The following QTMAN variants were observed in gnomAD, a reference collection of about 807,000 sequenced individuals.
QTMAN encodes tRNA-queuosine alpha-mannosyltransferase.
chr2:143,986,158 C>T, the QTMAN span, among the ~76,000 whole-genome samples: 1 of 152,206 alleles, frequency 6.6e-6, no homozygotes, highest in Non-Finnish European at 1.5e-5. Context: ...TCAAAACAAT[C>T]TCTAACAAAA....
chr2:144,102,127 T>C, the QTMAN span, among the ~76,000 whole-genome samples: 10 of 152,248 alleles, frequency 6.6e-5, no homozygotes, highest in Non-Finnish European at 1.5e-4. Flanking sequence ...ATGACAGAGC[T>C]TGGTCTTTAA....
chr2:144,119,668 G>C, the QTMAN span, among the ~76,000 whole-genome samples: 1 of 152,150 alleles, frequency 6.6e-6, no homozygotes, highest in Non-Finnish European at 1.5e-5. Flanking sequence ...TCTACACTTT[G>C]GATTTTCTAC....
chr2:144,277,212 T>C, the QTMAN span, among the ~76,000 whole-genome samples: 1 of 149,614 alleles, frequency 6.7e-6, no homozygotes, highest in African/African-American at 2.6e-5. Context: ...ATTTTTACTT[T>C]TTTTAATGTG....
the QTMAN span, among the ~76,000 whole-genome samples, chr2:144,120,401 C>A: frequency 6.6e-6 from 1 of 152,266 alleles, no homozygotes; most frequent in South Asian, 2.1e-4. Context: ...TGGGAAAGAA[C>A]AAAAGATTTG....
chr2:144,046,977 A>AT, the QTMAN span, among the ~76,000 whole-genome samples: 3 of 152,166 alleles, frequency 2.0e-5, no homozygotes, highest in Non-Finnish European at 2.9e-5. Context: ...CCCTATATAG[A>AT]TTAAGATTTT....
the QTMAN span, among the ~76,000 whole-genome samples, chr2:144,298,584 C>T: frequency 1.3e-5 from 2 of 152,172 alleles, no homozygotes; most frequent in African/African-American, 4.8e-5. Flanking sequence ...ATGTTCTTCA[C>T]TCAGCTGGGG....
At chr2:144,103,443 A>C in the QTMAN span, among the ~76,000 whole-genome samples, 2 of 152,192 alleles carry the variant, frequency 1.3e-5, no homozygotes, top group Non-Finnish European at 1.5e-5. Context: ...TTCTAATAGA[A>C]CATCTGAGGT....
the QTMAN span, among the ~76,000 whole-genome samples, chr2:143,976,336 T>C: frequency 6.6e-6 from 1 of 152,214 alleles, no homozygotes; most frequent in Non-Finnish European, 1.5e-5. Context: ...AATAAGGATA[T>C]GGAGAAGCAA....
the QTMAN span, chr2:143,947,063 C>T: frequency 1.2e-6 from 2 of 1,612,626 alleles, no homozygotes; most frequent in South Asian, 2.2e-5. Context: ...CACAAATCTT[C>T]CCTAGGTTCT....
the QTMAN span, among the ~76,000 whole-genome samples, chr2:144,264,977 G>A: frequency 2.0e-5 from 3 of 152,220 alleles, no homozygotes; most frequent in Non-Finnish European, 2.9e-5. Flanking sequence ...TTAATAACTT[G>A]GCTTCCCAAG....
the QTMAN span, among the ~76,000 whole-genome samples, chr2:144,067,809 G>A: frequency 3.3e-5 from 5 of 152,194 alleles, no homozygotes; most frequent in Non-Finnish European, 5.9e-5. Flanking sequence ...ATAACAGAAA[G>A]CACATGCCAC....
At chr2:144,299,468 C>T in the QTMAN span, among the ~76,000 whole-genome samples, 1 of 152,130 alleles carries the variant, frequency 6.6e-6, no homozygotes, top group Admixed American at 6.5e-5. Flanking sequence ...CTATTAATGG[C>T]GTATTCTCTA....
chr2:144,187,134 A>C, the QTMAN span, among the ~76,000 whole-genome samples: 1,346 of 152,350 alleles, frequency 8.8e-3, 17 homozygotes, highest in African/African-American at 0.03. Context: ...CAAGTCACTG[A>C]TACCACTTTG....
chr2:144,040,583 T>A, the QTMAN span, among the ~76,000 whole-genome samples: 3 of 152,192 alleles, frequency 2.0e-5, no homozygotes, highest in African/African-American at 4.8e-5. Context: ...GCCATGAAGA[T>A]AAGAGGATCT....
the QTMAN span, among the ~76,000 whole-genome samples, chr2:144,322,103 T>A: frequency 6.6e-6 from 1 of 152,232 alleles, no homozygotes; most frequent in Non-Finnish European, 1.5e-5. Flanking sequence ...TACATTCTTA[T>A]AACCAGAAAA....
At chr2:144,102,159 A>T in the QTMAN span, among the ~76,000 whole-genome samples, 2 of 152,172 alleles carry the variant, frequency 1.3e-5, no homozygotes, top group Non-Finnish European at 2.9e-5. Context: ...CTGAATCCAG[A>T]GCTATGTTTT....
At chr2:144,250,944 G>T in the QTMAN span, among the ~76,000 whole-genome samples, 1 of 151,758 alleles carries the variant, frequency 6.6e-6, no homozygotes, top group African/African-American at 2.4e-5. Context: ...AAGATTAAAA[G>T]AAACTTTTTA....
the QTMAN span, chr2:144,145,983 TAAAAAAAAAAAAAAAAAAA>T: frequency 2.8e-3 from 54 of 19,484 alleles, no homozygotes; most frequent in Middle Eastern, 0.026. Flanking sequence ...TGAGAAATGT[TAAAAAAAAAAAAAAAAAAA>T]AAAAAAAAAA....
chr2:144,063,507 G>A, the QTMAN span, among the ~76,000 whole-genome samples: 6 of 152,150 alleles, frequency 3.9e-5, no homozygotes, highest in South Asian at 1.2e-3. Flanking sequence ...AAGTTCTTTG[G>A]AATTTTATCA....
Sources: gnomAD v4.1 joint callset for allele counts (sites outside exome capture counted in the v4.1 genomes callset) on GRCh38, gnomAD v4.1.1 for gene constraint, MANE v1.5 for transcripts, NCBI Gene and HGNC (gene_info 2026-07-23, HGNC 2026-07-21) for gene names.